FANCB: variants seen among roughly 807,000 people sequenced by gnomAD.
The protein encoded by FANCB is Fanconi anemia group B protein.
FANCB carries 5 observed loss-of-function variants against 38.9 expected under a neutral mutation model. That is an observed-to-expected ratio of 0.13 (90% CI 0.07 to 0.27). The LOEUF is 0.27. Among genes scored for constraint, FANCB ranks in the 10% least tolerant of loss-of-function variants. The pLI, the probability that FANCB is intolerant of heterozygous loss-of-function variation, is 1.00. For synonymous variants in FANCB, 236 were observed against 215.4 expected (o/e 1.10, Z -0.84); for missense variants, 573 against 602.7 (o/e 0.95, Z 0.52).
chrX:14,712,756 T>G, the FANCB span, among the ~76,000 whole-genome samples: 1 of 110,934 alleles, frequency 9.0e-6, no homozygotes, highest in Non-Finnish European at 1.9e-5. Flanking sequence ...GAAAACCAAG[T>G]GTTCACAGAA....
intron 5 of FANCB, among the ~76,000 whole-genome samples, chrX:14,856,449 ATTACAT>A (rs2092423419): frequency 9.0e-6 from 1 of 111,510 alleles, no homozygotes; most frequent in Admixed American, 9.5e-5. Context: ...AATTTGTCTT[ATTACAT>A]TTACTTTGTT....
Position 14,844,704 on chromosome X carries a change from A to T in FANCB, c.1964T>A (p.Phe655Tyr). 1 of 1,211,134 alleles carries T rather than the reference A, an allele frequency of 8.3e-7. No homozygotes were observed. The highest frequency in any genetic ancestry group is 1.8e-5 in the South Asian group (1 of 56,993). ...MEDLFALLAA[F>Y]HKSCFQITSP... ...TGTGATTTGAAAACAAGATTTATGG[A>T]ATGCTGCAAGAAGTGCAAAAAGATC... The change falls in exon 9 of 10, where the codon TTC (phenylalanine) becomes TAC (tyrosine). Residue 655 changes from phenylalanine to tyrosine, a missense_variant. Coordinates refer to ENST00000650831, the MANE Select transcript of FANCB (RefSeq NM_001018113.3).
At chrX:14,826,796 CTG>C in the FANCB span, among the ~76,000 whole-genome samples, 1 of 112,097 alleles carries the variant, frequency 8.9e-6, no homozygotes, top group East Asian at 2.8e-4. Context: ...TTGTATGTGA[CTG>C]AATTTCATGG....
At chrX:14,690,063 G>A in the FANCB span, among the ~76,000 whole-genome samples, 1 of 111,766 alleles carries the variant, frequency 8.9e-6, no homozygotes, top group Admixed American at 9.5e-5. Flanking sequence ...ATTTAGAACT[G>A]TGTTTTCATG....
the FANCB span, among the ~76,000 whole-genome samples, chrX:14,804,184 C>G: frequency 2.9e-4 from 33 of 111,979 alleles, no homozygotes; most frequent in African/African-American, 8.1e-4. Context: ...CACATGCACA[C>G]ATATGTTTAT....
the FANCB span, among the ~76,000 whole-genome samples, chrX:14,715,825 G>C: frequency 6.5e-4 from 73 of 111,867 alleles, no homozygotes; most frequent in Non-Finnish European, 1.2e-3. Flanking sequence ...GGTCATTAAG[G>C]AGATGAGAAA....
chrX:14,834,654 G>GT (rs1456230024), downstream of FANCB: 9 of 600,633 alleles, frequency 1.5e-5, no homozygotes, highest in African/African-American at 8.9e-5. Flanking sequence ...TGTTTTAGGA[G>GT]TTTTTTCCTG....
chrX:14,809,525 T>G, the FANCB span, among the ~76,000 whole-genome samples: 1 of 111,555 alleles, frequency 9.0e-6, no homozygotes, highest in East Asian at 2.8e-4. Flanking sequence ...ACCAGGAGAT[T>G]ATATCCTGCA....
the FANCB span, among the ~76,000 whole-genome samples, chrX:14,784,671 C>T: frequency 8.9e-6 from 1 of 112,095 alleles, no homozygotes; most frequent in East Asian, 2.8e-4. Context: ...TGGGTATGTA[C>T]CCAAAGGTAT....
rs1020271259 is a variant in FANCB, at chrX:14,873,024, T to A, written c.-230A>T. 8 of 130,638 alleles carry A rather than the reference T, an allele frequency of 6.1e-5. No individual in the cohort carries two copies. Among genetic ancestry groups the A allele is most frequent in the Non-Finnish European group, 1.1e-4 (7 of 64,440 alleles). The allele number at this position is 130,638 out of a possible 1,213,427, so 10.8% of individuals were successfully genotyped here. The stretch of plus-strand genomic sequence containing the variant: ...CAACATACCGGAGGCCCCACGTCGA[T>A]ACGGTATCCATCTGCTCCAAACCTC... On this transcript the variant is annotated 5_prime_UTR_variant, in exon 1 of 10. Coordinates refer to ENST00000650831, the MANE Select transcript of FANCB (RefSeq NM_001018113.3).
chrX:14,718,550 A>G, the FANCB span, among the ~76,000 whole-genome samples: 2 of 112,161 alleles, frequency 1.8e-5, no homozygotes, highest in Middle Eastern at 4.6e-3. Context: ...ACTTGTCTCT[A>G]CTACATGATG....
the FANCB span, among the ~76,000 whole-genome samples, chrX:14,822,866 T>A: frequency 9.0e-6 from 1 of 111,198 alleles, no homozygotes. Context: ...TTGCTCTTTT[T>A]ACCTGAAAAG....
intron 5 of FANCB, among the ~76,000 whole-genome samples, chrX:14,854,541 G>A (rs993046524): frequency 1.8e-5 from 2 of 111,624 alleles, no homozygotes; most frequent in African/African-American, 6.5e-5. Flanking sequence ...AATAGATTGT[G>A]TACCTTCCCA....
At chrX:14,704,689 G>A in the FANCB span, among the ~76,000 whole-genome samples, 2 of 111,691 alleles carry the variant, frequency 1.8e-5, no homozygotes, top group Non-Finnish European at 3.8e-5. Context: ...GTGCAGGAGT[G>A]GGTAAAAGGA....
chrX:14,712,042 TATAGAAAAAAATG>T, the FANCB span, among the ~76,000 whole-genome samples: 1 of 112,941 alleles, frequency 8.9e-6, no homozygotes, highest in East Asian at 2.8e-4. Context: ...GTCATGTTAT[TATAGAAAAAAATG>T]CCATCTAGCT....
At chrX:14,823,074 T>C in the FANCB span, among the ~76,000 whole-genome samples, 1 of 88,292 alleles carries the variant, frequency 1.1e-5, no homozygotes, top group Admixed American at 1.4e-4. Context: ...TTGCCTACCC[T>C]TTTACTTTTT....
At chrX:14,807,850 A>T in the FANCB span, among the ~76,000 whole-genome samples, 1 of 112,294 alleles carries the variant, frequency 8.9e-6, no homozygotes, top group Non-Finnish European at 1.9e-5. Context: ...ACAACATACA[A>T]ATAAATAAAA....
chrX:14,864,816 G>T lies in FANCB; in HGVS notation c.695C>A (p.Ala232Asp), dbSNP rs2092461955. Residue 232 changes from alanine to aspartate, a missense_variant, in exon 3 of 10, where the codon GCT (alanine) becomes GAT (aspartate). Physicochemically the swap from Ala to Asp is moderately radical, Grantham distance 126. Coordinates refer to ENST00000650831, the MANE Select transcript of FANCB (RefSeq NM_001018113.3). ...VLSDIYIIPP[A>D]YSSVVTYVHI... is the part of the protein sequence containing the mutation. ...TACATAAGTCACCACACTGCTGTAA[G>T]CAGGAGGAATAATGTATATATCACT... 1 of 1,206,532 alleles carries T rather than the reference G, an allele frequency of 8.3e-7. No homozygotes were observed. The highest frequency in any genetic ancestry group is 1.7e-5 in the African/African-American group (1 of 57,259).
At chrX:14,869,395 A>C (rs1002812880) in intron 1 of FANCB, among the ~76,000 whole-genome samples, 2 of 111,879 alleles carry the variant, frequency 1.8e-5, no homozygotes, top group Non-Finnish European at 3.8e-5. Context: ...GAATTTATGA[A>C]AGTTAGGCTC....
Sources: gnomAD v4.1 joint callset for allele counts (sites outside exome capture counted in the v4.1 genomes callset) on GRCh38, gnomAD v4.1.1 for gene constraint, MANE v1.5 for transcripts, NCBI Gene and HGNC (gene_info 2026-07-23, HGNC 2026-07-21) for gene names.